Variants in ASH1L observed in about 807,000 individuals in gnomAD.
ASH1L encodes the protein ASH1 like histone lysine methyltransferase, also known as histone-lysine N-methyltransferase ASH1L.
Under a neutral mutation model 269.0 loss-of-function variants are expected in ASH1L, and 23 were observed. The observed-to-expected ratio is 0.09, with a 90% CI of 0.06 to 0.12. The LOEUF (loss-of-function observed/expected upper bound fraction) is 0.12. Ranked by LOEUF, ASH1L falls within the 10% of genes least tolerant of loss-of-function variation. The probability of loss-of-function intolerance (pLI) is 1.00; values close to 1 mark genes in which losing one functional copy is unlikely to be tolerated. For synonymous variants in ASH1L, 1,187 were observed against 1,253.5 expected (o/e 0.95, Z 1.12); for missense variants, 2,912 against 3,567.8 (o/e 0.82, Z 4.68).
chr1:155,501,756 GGGTTCAAGC>G (rs776285988), intron 2 of ASH1L, among the ~76,000 whole-genome samples: 61 of 152,258 alleles, frequency 4.0e-4, no homozygotes, highest in Admixed American at 6.5e-4. Context: ...TCCACCTCCC[GGGTTCAAGC>G]GATTCTCCTG....
intron 7 of ASH1L, among the ~76,000 whole-genome samples, chr1:155,390,562 T>G (rs919564631): frequency 6.6e-6 from 1 of 152,040 alleles, no homozygotes; most frequent in Non-Finnish European, 1.5e-5. Flanking sequence ...TAAAGACTTC[T>G]GCAGAAAGCT....
intron 2 of ASH1L, among the ~76,000 whole-genome samples, chr1:155,513,142 T>A (rs1248624275): frequency 1.3e-5 from 2 of 152,098 alleles, no homozygotes; most frequent in Admixed American, 6.6e-5. Flanking sequence ...TATAATTTTT[T>A]AAAAATACAG....
At position 155,433,886 on chromosome 1, in the gene ASH1L, A is replaced by T. The variant is rs1402423737; in HGVS notation, c.5828+4441T>A. The stretch of plus-strand genomic sequence containing the variant: ...GCAGGCTCGAAAGAGAAAGCGAACC[A>T]GTATCGAGAACCGAGTGAGAGGCAA... On this transcript the variant is annotated intron_variant, in intron 5 of 27. Coordinates refer to ENST00000392403, the MANE Select transcript of ASH1L (RefSeq NM_018489.3). The T allele has an allele frequency of 2.5e-6, 4 of 1,601,646 alleles. No individual in the cohort carries two copies. In the African/African-American group the frequency reaches 4.0e-5, roughly 16 times the overall value.
intron 5 of ASH1L, among the ~76,000 whole-genome samples, chr1:155,421,198 C>T (rs976388869): frequency 2.7e-5 from 4 of 146,804 alleles, no homozygotes; most frequent in African/African-American, 1.0e-4. Flanking sequence ...CATTGCACTC[C>T]AGCCTGGGCA....
intron 12 of ASH1L, among the ~76,000 whole-genome samples, chr1:155,369,086 A>G (rs886895762): frequency 6.6e-6 from 1 of 152,198 alleles, no homozygotes; most frequent in Non-Finnish European, 1.5e-5. Context: ...TCATATTTTC[A>G]TAGGGGTGTT....
At chr1:155,375,628 A>G (rs1656366124) in intron 10 of ASH1L, among the ~76,000 whole-genome samples, 1 of 152,096 alleles carries the variant, frequency 6.6e-6, no homozygotes, top group South Asian at 2.1e-4. Context: ...CTCTACTAAA[A>G]ATACAAAAAT....
chr1:155,535,998 C>CA (rs1476386122), intron 1 of ASH1L, among the ~76,000 whole-genome samples: 60 of 139,928 alleles, frequency 4.3e-4, no homozygotes, highest in African/African-American at 1.6e-3. Context: ...AACTCCATCT[C>CA]AAGAAAAAAA....
At chr1:155,401,950 C>T (rs769281178) in intron 6 of ASH1L, among the ~76,000 whole-genome samples, 1 of 151,218 alleles carries the variant, frequency 6.6e-6, no homozygotes, top group Non-Finnish European at 1.5e-5. Flanking sequence ...ATTAGCTGGG[C>T]GTGGTGGCAG....
At position 155,521,378 on chromosome 1, in the gene ASH1L, C is replaced by T; in HGVS notation, c.142G>A (p.Asp48Asn). 3 of 1,614,148 alleles carry T rather than the reference C, an allele frequency of 1.9e-6. No homozygotes were observed. The highest frequency in any genetic ancestry group is 2.5e-6 in the Non-Finnish European group (3 of 1,180,034). Residue 48 changes from aspartate to asparagine, a missense_variant, in exon 2 of 28, where the codon GAC (aspartate) becomes AAC (asparagine). This residue lies in a region of ASH1L where 115 missense variants were observed against 101.5 expected (regional missense o/e 1.13). Transcript: ENST00000392403. ...ELEKNTKEEE[D>N]LRKRNRERNI... is the part of the protein sequence containing the mutation. ...CTTTCTCGATTCCGTTTGCGAAGGTCCTCTTCCTCCTTTGTGTTTTTTTCT... is the reference window on the plus strand; with the variant it reads ...CTTTCTCGATTCCGTTTGCGAAGGTTCTCTTCCTCCTTTGTGTTTTTTTCT...
At chr1:155,339,518 T>C (rs567702147) in intron 25 of ASH1L, 150 bp from the exon 26 acceptor site, 42 of 603,948 alleles carry the variant, frequency 7.0e-5, no homozygotes, top group Non-Finnish European at 1.1e-4. Context: ...CTTCTATGAA[T>C]ATGCAGGCCA....
At chr1:155,361,772 C>A (rs1465846919) in intron 12 of ASH1L, among the ~76,000 whole-genome samples, 1 of 147,824 alleles carries the variant, frequency 6.8e-6, no homozygotes, top group Non-Finnish European at 1.5e-5. Flanking sequence ...ACTTGGGAGG[C>A]TGAGGCAGGA....
intron 1 of ASH1L, among the ~76,000 whole-genome samples, chr1:155,532,856 CACACATATATATGTGTATATATATGT>C (rs1003931254): frequency 6.8e-5 from 10 of 145,996 alleles, no homozygotes; most frequent in Admixed American, 5.5e-4. Flanking sequence ...TATATATATG[CACACATATATATGTGTATATATATGT>C]ATATATATAT....
chr1:155,401,151 ACT>A (rs894810199), intron 6 of ASH1L, among the ~76,000 whole-genome samples: 44 of 147,194 alleles, frequency 3.0e-4, no homozygotes, highest in Admixed American at 3.0e-3. Context: ...ACAGAGTGAG[ACT>A]CTCTGTCTCA....
At chr1:155,456,007 A>G (rs191216219) in intron 4 of ASH1L, among the ~76,000 whole-genome samples, 7 of 152,240 alleles carry the variant, frequency 4.6e-5, no homozygotes, top group Admixed American at 4.6e-4. Flanking sequence ...TTGTTCTACT[A>G]GAGTCCTAGG....
At chr1:155,433,888 T>C (rs748630634) in intron 5 of ASH1L, 20 of 1,601,198 alleles carry the variant, frequency 1.2e-5, no homozygotes, top group Middle Eastern at 1.7e-4. Context: ...AGCGAACCAG[T>C]ATCGAGAACC....
chr1:155,343,676 T>A lies in ASH1L; in HGVS notation c.8048A>T (p.Tyr2683Phe). The A allele has an allele frequency of 6.2e-7, 1 of 1,614,076 alleles. No homozygotes were observed. Among genetic ancestry groups the A allele is most frequent in the Non-Finnish European group, 8.5e-7 (1 of 1,179,996 alleles). ...TCGGTTAATGTGAGATAACAGTCGA[T>A]AGGACTGACGGACCGGGTGGCCATC... is the stretch of plus-strand genomic sequence containing the variant. Reference protein sequence around the residue: ...TPDGHPVRQSYRLLSHINRDK... With the variant: ...TPDGHPVRQSFRLLSHINRDK... Residue 2683 changes from tyrosine to phenylalanine, a missense_variant, in exon 23 of 28, where the codon TAT becomes TTT. Tyr to Phe is a conservative substitution (Grantham distance 22). Around this residue, in one of 13 missense-constraint regions of ASH1L, gnomAD observed 179 missense variants for 293.8 expected, o/e 0.61. Transcript: ENST00000392403. This position sits in a 1 kb window ranked among gnomAD's most constrained non-coding sequence, Gnocchi z 6.1.
intron 12 of ASH1L, among the ~76,000 whole-genome samples, chr1:155,369,287 C>CA (rs1655717338): frequency 6.6e-6 from 1 of 151,960 alleles, no homozygotes; most frequent in East Asian, 1.9e-4. Flanking sequence ...ACTAAAAATA[C>CA]AAAAAAGAAA....
intron 6 of ASH1L, among the ~76,000 whole-genome samples, chr1:155,402,500 TA>T (rs527831400): frequency 2.0e-5 from 3 of 151,964 alleles, no homozygotes; most frequent in South Asian, 2.1e-4. Context: ...ATCTTTTAAA[TA>T]AAAAAAAGGA....
At chr1:155,359,760 TAG>T (rs1261122913) in intron 13 of ASH1L, among the ~76,000 whole-genome samples, 1 of 152,078 alleles carries the variant, frequency 6.6e-6, no homozygotes, top group African/African-American at 2.4e-5. Context: ...ATTTTTTTGG[TAG>T]AGACAGGGTT....
Sources: gnomAD v4.1 joint callset for allele counts (sites outside exome capture counted in the v4.1 genomes callset) on GRCh38, gnomAD v4.1.1 for gene constraint, gnomAD v4.1.1 regional missense constraint, Gnocchi (gnomAD v3.1) non-coding constraint, MANE v1.5 for transcripts, NCBI Gene and HGNC (gene_info 2026-07-23, HGNC 2026-07-21) for gene names.